NSUN2: variants seen among roughly 807,000 people sequenced by gnomAD.
NSUN2 encodes RNA cytosine C(5)-methyltransferase NSUN2.
A neutral mutation model predicts 92.7 loss-of-function variants in NSUN2; 63 were observed. The ratio of observed to expected loss-of-function variants is 0.68; its 90% CI spans 0.56 to 0.84. NSUN2 has a LOEUF of 0.84. NSUN2 is among the 40% of genes least tolerant of loss of function. NSUN2 has a pLI of 0.00. For missense variants in NSUN2, 989 were observed against 964.9 expected (o/e 1.02, Z -0.33); for synonymous variants, 356 against 348.3 (o/e 1.02, Z -0.25).
chr5:6,604,599 A>G lies in NSUN2; in HGVS notation c.1818+6T>C, dbSNP rs1186494747. The G allele has an allele frequency of 6.2e-7, 1 of 1,613,720 alleles. No individual in the cohort carries two copies. Among genetic ancestry groups the G allele is most frequent in the Non-Finnish European group, 8.5e-7 (1 of 1,179,686 alleles). ...TACTGCTGTTCAAATCCACTTCCAA[A>G]ATTACCTCCTGTGCCAGCCGGAAAG... On this transcript the variant is annotated splice_donor_region_variant and intron_variant, in intron 16 of 18. Transcript: ENST00000264670.
intron 7 of NSUN2, among the ~76,000 whole-genome samples, chr5:6,619,739 G>A (rs1289907525): frequency 6.6e-6 from 1 of 152,196 alleles, no homozygotes; most frequent in Non-Finnish European, 1.5e-5. Flanking sequence ...GTACTCACTG[G>A]AAGAACTAAT....
At position 6,620,202 on chromosome 5, in the gene NSUN2, T is replaced by C; in HGVS notation, c.719A>G (p.Asn240Ser). 1 of 1,613,498 alleles carries C rather than the reference T, an allele frequency of 6.2e-7. No homozygotes were observed. Among genetic ancestry groups the C allele is most frequent in the East Asian group, 2.2e-5 (1 of 44,836 alleles). The change falls in exon 7 of 19, where the codon AAC becomes AGC. Residue 240 changes from asparagine to serine, a missense_variant. Coordinates refer to ENST00000264670, the MANE Select transcript of NSUN2 (RefSeq NM_017755.6). ...CCTGGGTATGCTGGAGGCATCATGG[T>C]TGACCACCATGATGCAGGGGCTGCT... ...RLSSPCIMVV[N>S]HDASSIPRLQ...
At chr5:6,615,512 A>C (rs1737176533) in intron 9 of NSUN2, among the ~76,000 whole-genome samples, 1 of 152,246 alleles carries the variant, frequency 6.6e-6, no homozygotes, top group Non-Finnish European at 1.5e-5. Context: ...GGCAATTATG[A>C]CCATGCAAGA....
intron 17 of NSUN2, among the ~76,000 whole-genome samples, chr5:6,603,352 T>A (rs1191264997): frequency 6.6e-6 from 1 of 152,192 alleles, no homozygotes; most frequent in Non-Finnish European, 1.5e-5. Flanking sequence ...CACAGGTGAT[T>A]AAAATCTGCA....
intron 12 of NSUN2, among the ~76,000 whole-genome samples, chr5:6,608,256 TC>T (rs1463388742): frequency 2.6e-5 from 4 of 152,214 alleles, no homozygotes; most frequent in Non-Finnish European, 5.9e-5. Flanking sequence ...AACCTCAGCT[TC>T]CCCCAGAGGG....
chr5:6,610,279 G>A (rs939359580), intron 11 of NSUN2, among the ~76,000 whole-genome samples: 11 of 151,348 alleles, frequency 7.3e-5, no homozygotes, highest in Admixed American at 2.6e-4. Flanking sequence ...GTCTTGCCAT[G>A]TCGTCCAGGC....
chr5:6,606,881 C>G lies in NSUN2; in HGVS notation c.1540G>C (p.Gly514Arg). 1.3e-6 allele frequency: 2 copies of G among 1,592,552 alleles called. No homozygotes were observed. The highest frequency in any genetic ancestry group is 1.7e-6 in the Non-Finnish European group (2 of 1,161,294). The stretch of plus-strand genomic sequence containing the variant: ...AATACAAATGGATCTTCTTTAAATC[C>G]AAATAACTTCATTTTCTTTGATGGA... ...PPPSKKMKLF[G>R]FKEDPFVFIP... The change falls in exon 14 of 19, where the codon GGA becomes CGA. Residue 514 changes from glycine to arginine, a missense_variant. By Grantham distance (125) the Gly-to-Arg change is moderately radical (BLOSUM62 -2). Transcript: ENST00000264670.
At chr5:6,607,434 G>GTGTCAATGAAATTGTTCTTTATGA in intron 12 of NSUN2, 50 bp from the exon 13 acceptor site, 1 of 1,511,730 alleles carries the variant, frequency 6.6e-7, no homozygotes, top group South Asian at 1.3e-5. Context: ...CATTCTTTGT[G>GTGTCAATGAAATTGTTCTTTATGA]CTGCTACGAA....
chr5:6,621,187 A>T (rs928086388), intron 6 of NSUN2: 10 of 152,122 alleles, frequency 6.6e-5, no homozygotes, highest in Non-Finnish European at 1.2e-4. Context: ...ATAACAGCTA[A>T]CATTTCCTGA....
intron 3 of NSUN2, among the ~76,000 whole-genome samples, chr5:6,630,468 T>A (rs1026350276): frequency 1.3e-5 from 2 of 152,098 alleles, no homozygotes; most frequent in African/African-American, 4.8e-5. Context: ...ACCATGCCTG[T>A]CTAATTTTTG....
At chr5:6,613,075 A>G (rs1737070063) in intron 9 of NSUN2, among the ~76,000 whole-genome samples, 1 of 152,230 alleles carries the variant, frequency 6.6e-6, no homozygotes, top group Admixed American at 6.5e-5. Context: ...AGCCACCCAC[A>G]TGCAAAAAGT....
intron 9 of NSUN2, among the ~76,000 whole-genome samples, chr5:6,615,269 T>C (rs1197356180): frequency 6.6e-6 from 1 of 152,150 alleles, no homozygotes; most frequent in African/African-American, 2.4e-5. Flanking sequence ...TTCTCAGGGA[T>C]CTGAAAGCAG....
At chr5:6,607,104 T>G in intron 13 of NSUN2, 96 bp downstream of exon 13, 1 of 1,342,042 alleles carries the variant, frequency 7.5e-7, no homozygotes, top group Non-Finnish European at 1.1e-6. Flanking sequence ...TACTGCCCCC[T>G]CAAACCGACC....
At chr5:6,624,065 T>A (rs1276776856) in intron 4 of NSUN2, among the ~76,000 whole-genome samples, 1 of 152,162 alleles carries the variant, frequency 6.6e-6, no homozygotes, top group East Asian at 1.9e-4. Flanking sequence ...CACCTTAAAC[T>A]CAGGCATGTG....
chr5:6,609,781 G>C (rs1391660267), intron 12 of NSUN2, 45 bp downstream of exon 12: 1 of 1,478,686 alleles, frequency 6.8e-7, no homozygotes, highest in African/African-American at 1.4e-5. Context: ...TGTCTTAAAT[G>C]TACAAGATCA....
chr5:6,630,575 G>C (rs947036845), intron 3 of NSUN2, among the ~76,000 whole-genome samples: 29 of 152,148 alleles, frequency 1.9e-4, no homozygotes, highest in African/African-American at 7.0e-4. Flanking sequence ...CTTGATACTG[G>C]TTGAATACTG....
intron 7 of NSUN2, among the ~76,000 whole-genome samples, chr5:6,619,890 C>T (rs1403270245): frequency 6.6e-6 from 1 of 152,174 alleles, no homozygotes; most frequent in Non-Finnish European, 1.5e-5. Context: ...CAGGCTATTG[C>T]AACCACCCCT....
intron 17 of NSUN2, chr5:6,603,900 C>T: frequency 2.3e-6 from 1 of 443,370 alleles, no homozygotes. Context: ...CCACAGGCTG[C>T]TGGGCAGCAG....
At position 6,609,876 on chromosome 5, in the gene NSUN2, C is replaced by T; in HGVS notation, c.1273G>A (p.Ala425Thr). ...ATTGAAGATTTTTTCACCAATACTGCCACAAAAAACCCTCCAGTATTCTGA... is the reference window on the plus strand; with the variant it reads ...ATTGAAGATTTTTTCACCAATACTGTCACAAAAAACCCTCCAGTATTCTGA... ...HHQNTGGFFV[A>T]VLVKKSSMPW... The change falls in exon 12 of 19, where the codon GCA becomes ACA. Residue 425 changes from alanine to threonine, a missense_variant. This residue lies in a region of NSUN2 where 626 missense variants were observed against 602.3 expected (regional missense o/e 1.04). Transcript: ENST00000264670. 2 of 1,613,608 alleles carry T rather than the reference C, an allele frequency of 1.2e-6. No individual in the cohort carries two copies. The highest frequency in any genetic ancestry group is 1.7e-6 in the Non-Finnish European group (2 of 1,179,804).
Sources: allele counts gnomAD v4.1 joint callset (sites outside exome capture counted in the v4.1 genomes callset), GRCh38; gene constraint gnomAD v4.1.1; regional missense constraint gnomAD v4.1.1; transcripts MANE v1.5; gene names NCBI Gene and HGNC (gene_info 2026-07-23, HGNC 2026-07-21).